The following PRR5L variants were observed in gnomAD, a reference collection of about 807,000 sequenced individuals.
PRR5L encodes the protein proline rich 5 like, also known as proline-rich protein 5-like.
Under a neutral mutation model 36.4 loss-of-function variants are expected in PRR5L, and 21 were observed. That is an observed-to-expected ratio of 0.58 (90% CI 0.41 to 0.83). The LOEUF (loss-of-function observed/expected upper bound fraction) is 0.83. Ranked by LOEUF, PRR5L falls within the 40% of genes least tolerant of loss-of-function variation. The probability of loss-of-function intolerance (pLI) is 0.00; values close to 1 mark genes in which losing one functional copy is unlikely to be tolerated. For synonymous variants in PRR5L, 188 were observed against 197.0 expected (o/e 0.95, Z 0.38); for missense variants, 381 against 473.3 (o/e 0.80, Z 1.81).
At chr11:36,311,836 A>G (rs945760651) in intron 1 of PRR5L, among the ~76,000 whole-genome samples, 3 of 152,224 alleles carry the variant, frequency 2.0e-5, no homozygotes, top group African/African-American at 7.2e-5. Context: ...CAAAGTATCA[A>G]CTTATGAATA....
intron 1 of PRR5L, among the ~76,000 whole-genome samples, chr11:36,359,155 C>T (rs928914709): frequency 6.6e-6 from 1 of 152,242 alleles, no homozygotes; most frequent in Non-Finnish European, 1.5e-5. Flanking sequence ...GTCGCTGAGC[C>T]TCAGTTTCCT....
chr11:36,390,432 A>T (rs2089075791), intron 1 of PRR5L, among the ~76,000 whole-genome samples: 1 of 152,230 alleles, frequency 6.6e-6, no homozygotes, highest in Non-Finnish European at 1.5e-5. Flanking sequence ...TGTGGGGAAC[A>T]GTTGAAGGCA....
intron 1 of PRR5L, among the ~76,000 whole-genome samples, chr11:36,347,749 C>T (rs1314949888): frequency 1.3e-5 from 2 of 151,712 alleles, no homozygotes; most frequent in African/African-American, 4.8e-5. Flanking sequence ...ATGGTCCAGC[C>T]AGCATGTAAG....
intron 1 of PRR5L, among the ~76,000 whole-genome samples, chr11:36,336,357 G>A (rs936432457): frequency 6.6e-6 from 1 of 151,952 alleles, no homozygotes; most frequent in African/African-American, 2.4e-5. Flanking sequence ...AGCCTCCCAA[G>A]TAGCTGGGAC....
intron 3 of PRR5L, among the ~76,000 whole-genome samples, chr11:36,415,273 G>A (rs987392074): frequency 7.2e-5 from 11 of 152,182 alleles, no homozygotes; most frequent in Non-Finnish European, 1.3e-4. Flanking sequence ...ACTGGGTTCT[G>A]GTGATGTGGT....
At position 36,462,558 on chromosome 11, in the gene PRR5L, C is replaced by A; in HGVS notation, c.929C>A (p.Ser310Ter). 1 of 1,612,224 alleles carries A rather than the reference C, an allele frequency of 6.2e-7. No individual in the cohort carries two copies. The highest frequency in any genetic ancestry group is 8.5e-7 in the Non-Finnish European group (1 of 1,179,274). ...QLLAMATMMH[S>*]GLGEEASSEN... ...CTGGCCATGGCCACCATGATGCACTCGGGCCTGGGGGAGGAGGCCAGCAGT... is the reference window on the plus strand; with the variant it reads ...CTGGCCATGGCCACCATGATGCACTAGGGCCTGGGGGAGGAGGCCAGCAGT... The change falls in exon 9 of 9, where the codon TCG becomes TAG. Residue 310 changes from serine to a stop codon, truncating the protein, a stop_gained. Transcript: ENST00000530639. LOFTEE classifies it high-confidence loss of function.
chr11:36,437,374 C>A lies in PRR5L; in HGVS notation c.353-11C>A, dbSNP rs763691734. 1.2e-4 allele frequency: 196 copies of A among 1,573,734 alleles called. No individual in the cohort carries two copies. Among genetic ancestry groups the A allele is most frequent in the Non-Finnish European group, 1.7e-4 (190 of 1,143,252 alleles). On this transcript the variant is annotated splice_polypyrimidine_tract_variant and intron_variant, in intron 5 of 8. Coordinates refer to ENST00000530639, the MANE Select transcript of PRR5L (RefSeq NM_001160167.2). ...TTCTTCCTCCCTTCCCATCTTCTCG[C>A]CCTCTTGTAGGTGAAAATCGCATTG...
At chr11:36,403,820 A>G (rs184648095) in intron 3 of PRR5L, among the ~76,000 whole-genome samples, 5 of 152,334 alleles carry the variant, frequency 3.3e-5, no homozygotes, top group African/African-American at 1.2e-4. Flanking sequence ...GAGAGACAGC[A>G]AGGACCAAAG....
intron 1 of PRR5L, among the ~76,000 whole-genome samples, chr11:36,312,324 G>T (rs564337841): frequency 6.6e-6 from 1 of 152,294 alleles, no homozygotes; most frequent in Non-Finnish European, 1.5e-5. Flanking sequence ...AAAAGGTGGG[G>T]GAAGAAAAGA....
At chr11:36,351,555 T>TTATATATTTATATATTTATATAAA (rs1259177026) in intron 1 of PRR5L, among the ~76,000 whole-genome samples, 1 of 2,696 alleles carries the variant, frequency 3.7e-4, no homozygotes, top group African/African-American at 1.7e-3. Flanking sequence ...TTATATATAT[T>TTATATATTTATATATTTATATAAA]TATATATTTA....
rs1392304096 is a variant in PRR5L at position 36,377,345 on chromosome 11, C to T, written c.-125-23652C>T. ...CCCTGGGACGGCCCGGCTGCGGACC[C>T]CGCGCTGGGAGTCCGCAGTATCCCC... On this transcript the variant is annotated intron_variant, in intron 1 of 8. Transcript: ENST00000530639. The surrounding 1 kb of genome is among the most constrained non-coding windows in gnomAD (Gnocchi z 5.1). Among the ~76,000 whole-genome samples the T allele has an allele frequency of 6.6e-6, 1 of 152,202 alleles. No homozygotes were observed. The highest frequency in any genetic ancestry group is 6.5e-5 in the Admixed American group (1 of 15,290).
intron 1 of PRR5L, among the ~76,000 whole-genome samples, chr11:36,332,551 C>T (rs1467775878): frequency 6.6e-6 from 1 of 152,216 alleles, no homozygotes; most frequent in Non-Finnish European, 1.5e-5. Context: ...ACCAATCCAT[C>T]TGCTATGGTT....
At chr11:36,326,302 T>TACAC (rs3083243) in intron 1 of PRR5L, among the ~76,000 whole-genome samples, 32,138 of 147,256 alleles carry the variant, frequency 0.22, 3,640 homozygotes, top group Non-Finnish European at 0.26. Flanking sequence ...CCCCAATAGA[T>TACAC]ACACACACAC....
At chr11:36,351,585 A>T (rs1402815108) in intron 1 of PRR5L, among the ~76,000 whole-genome samples, 976 of 18,882 alleles carry the variant, frequency 0.052, 320 homozygotes, top group African/African-American at 0.22. Flanking sequence ...ATAAATATAT[A>T]TTTATATATT....
At chr11:36,403,470 T>G in intron 3 of PRR5L, 92 bp downstream of exon 3, 1 of 948,660 alleles carries the variant, frequency 1.1e-6, no homozygotes, top group Non-Finnish European at 1.6e-6. Context: ...AGGGTTTTTT[T>G]TTTTTTTTTC....
intron 1 of PRR5L, chr11:36,321,539 A>G (rs1267369916): frequency 6.6e-6 from 1 of 152,216 alleles, no homozygotes; most frequent in Non-Finnish European, 1.5e-5. Flanking sequence ...AAGGACCTGG[A>G]CCCATCTCTG....
chr11:36,352,454 C>T (rs1856985343), intron 1 of PRR5L, among the ~76,000 whole-genome samples: 1 of 152,088 alleles, frequency 6.6e-6, no homozygotes. Context: ...AATTGAGTCC[C>T]ATCTATTTAT....
intron 1 of PRR5L, among the ~76,000 whole-genome samples, chr11:36,351,279 T>G (rs1202596030): frequency 4.1e-5 from 1 of 24,262 alleles, no homozygotes; most frequent in Admixed American, 6.9e-4. Flanking sequence ...TATTTATATA[T>G]ATGTATATTT....
At chr11:36,351,423 TTATATATTTA>T (rs1856949045) in intron 1 of PRR5L, among the ~76,000 whole-genome samples, 1 of 53,952 alleles carries the variant, frequency 1.9e-5, no homozygotes, top group African/African-American at 7.7e-5. Context: ...GTATATATAT[TTATATATTTA>T]TATATACATA....
Sources: gnomAD v4.1 joint callset for allele counts (sites outside exome capture counted in the v4.1 genomes callset) on GRCh38, gnomAD v4.1.1 for gene constraint, Gnocchi (gnomAD v3.1) non-coding constraint, MANE v1.5 for transcripts, NCBI Gene and HGNC (gene_info 2026-07-23, HGNC 2026-07-21) for gene names.